The following EXOC6B variants were observed in gnomAD, a reference collection of about 807,000 sequenced individuals.
EXOC6B encodes the protein exocyst complex component 6B.
A neutral mutation model predicts 113.5 loss-of-function variants in EXOC6B; 54 were observed. The ratio of observed to expected loss-of-function variants is 0.48; its 90% confidence interval spans 0.38 to 0.60. EXOC6B has a LOEUF of 0.60. Among genes scored for constraint, EXOC6B ranks in the 20% least tolerant of loss-of-function variants. The pLI, the probability that EXOC6B is intolerant of heterozygous loss-of-function variation, is 0.00. For missense variants in EXOC6B, 797 were observed against 977.5 expected, an observed-to-expected ratio of 0.82 and a Z score of 2.46; for synonymous variants, 357 against 339.0, an observed-to-expected ratio of 1.05 and a Z score of -0.58.
At chr2:72,778,771 A>C (rs2104979761) in intron 1 of EXOC6B, among the ~76,000 whole-genome samples, 1 of 152,290 alleles carries the variant, frequency 6.6e-6, no homozygotes, top group African/African-American at 2.4e-5. Context: ...ACTATCATAC[A>C]CAAGTAAAGT....
rs1035968645 is a variant in EXOC6B at position 72,480,613 on chromosome 2, C to T, written c.1800+3G>A. Reference sequence around the variant, plus strand: ...GTTCCACAGTACTGTAGGGCCCTCTCACCTTAAAAGTTGTGGTGCCATAGA... The same window carrying T: ...GTTCCACAGTACTGTAGGGCCCTCTTACCTTAAAAGTTGTGGTGCCATAGA... On this transcript the variant is annotated splice_donor_region_variant and intron_variant, in intron 17 of 21. Coordinates refer to ENST00000272427, the MANE Select transcript of EXOC6B (RefSeq NM_015189.3). 1 of 1,577,328 alleles carries T rather than the reference C, an allele frequency of 6.3e-7. No individual in the cohort carries two copies. Among genetic ancestry groups the T allele is most frequent in the African/African-American group, 1.3e-5 (1 of 74,316 alleles).
chr2:72,570,502 G>A (rs988840787), intron 7 of EXOC6B, among the ~76,000 whole-genome samples: 2 of 152,104 alleles, frequency 1.3e-5, no homozygotes, highest in Non-Finnish European at 2.9e-5. Flanking sequence ...TACTTCAAAA[G>A]AGACACCAAA....
At chr2:72,579,751 C>T (rs1705083824) in intron 6 of EXOC6B, among the ~76,000 whole-genome samples, 1 of 152,258 alleles carries the variant, frequency 6.6e-6, no homozygotes, top group South Asian at 2.1e-4. Context: ...AGGCTCCTGA[C>T]TTTCTCAATC....
rs114661449 is a variant in EXOC6B, at chr2:72,801,872, G to C, written c.113+23926C>G. ...AAAACCATTTCATTTTATAGGCAAA[G>C]TGCAGGCACTGTTAGTGGAAGTCTC... On this transcript the variant is annotated intron_variant, in intron 1 of 21. Coordinates refer to ENST00000272427, the MANE Select transcript of EXOC6B (RefSeq NM_015189.3). Among the ~76,000 whole-genome samples the C allele has an allele frequency of 1.0e-3, 157 of 152,318 alleles. 1 individual carries two copies. Among genetic ancestry groups the C allele is most frequent in the Middle Eastern group, 6.8e-3 (2 of 294 alleles).
At chr2:72,656,970 GC>G (rs1674625058) in intron 6 of EXOC6B, among the ~76,000 whole-genome samples, 1 of 152,014 alleles carries the variant, frequency 6.6e-6, no homozygotes, top group Admixed American at 6.6e-5. Context: ...TCCTGCCTCA[GC>G]CTCCCAAGTA....
At chr2:72,349,276 C>T (rs1350363249) in intron 19 of EXOC6B, among the ~76,000 whole-genome samples, 7 of 152,152 alleles carry the variant, frequency 4.6e-5, no homozygotes, top group Admixed American at 6.5e-5. Flanking sequence ...TTCAAAAACT[C>T]GTGGAATTTC....
chr2:72,399,723 C>T (rs1455531246), intron 18 of EXOC6B, among the ~76,000 whole-genome samples: 1 of 152,084 alleles, frequency 6.6e-6, no homozygotes. Context: ...CCCAGAAATA[C>T]ATTTAACCCA....
chr2:72,487,187 T>C (rs1699474161), intron 16 of EXOC6B, among the ~76,000 whole-genome samples: 1 of 152,214 alleles, frequency 6.6e-6, no homozygotes, highest in South Asian at 2.1e-4. Flanking sequence ...TTGAACGCCA[T>C]ACTTTATTCA....
chr2:72,693,872 C>A (rs567183847), intron 6 of EXOC6B, among the ~76,000 whole-genome samples: 61 of 151,490 alleles, frequency 4.0e-4, no homozygotes, highest in African/African-American at 1.4e-3. Flanking sequence ...GCCACTCATC[C>A]TTACTCCTCT....
At chr2:72,568,037 A>G (rs1234395036) in intron 7 of EXOC6B, among the ~76,000 whole-genome samples, 3 of 152,040 alleles carry the variant, frequency 2.0e-5, no homozygotes, top group African/African-American at 7.2e-5. Flanking sequence ...CTAATTACAA[A>G]GTGGGACGGG....
At chr2:72,291,922 C>A (rs1347453849) in intron 20 of EXOC6B, among the ~76,000 whole-genome samples, 1 of 152,090 alleles carries the variant, frequency 6.6e-6, no homozygotes, top group Non-Finnish European at 1.5e-5. Flanking sequence ...AATCTATTGC[C>A]AGGATTGAAA....
chr2:72,610,891 G>A (rs1671034783), intron 6 of EXOC6B, among the ~76,000 whole-genome samples: 1 of 152,174 alleles, frequency 6.6e-6, no homozygotes, highest in Non-Finnish European at 1.5e-5. Flanking sequence ...TCCTTGTGAT[G>A]AAAGTTCACA....
At chr2:72,274,907 T>C (rs969573487) in intron 20 of EXOC6B, among the ~76,000 whole-genome samples, 23 of 152,112 alleles carry the variant, frequency 1.5e-4, no homozygotes, top group African/African-American at 4.6e-4. Flanking sequence ...AGTGTAACTT[T>C]ACCGTGGAAT....
intron 20 of EXOC6B, among the ~76,000 whole-genome samples, chr2:72,318,528 G>C (rs1370050655): frequency 1.3e-5 from 2 of 151,982 alleles, no homozygotes; most frequent in Non-Finnish European, 2.9e-5. Context: ...CGAGTAGCTG[G>C]GACTACAGGT....
At chr2:72,681,129 C>A (rs1469903490) in intron 6 of EXOC6B, among the ~76,000 whole-genome samples, 1 of 152,168 alleles carries the variant, frequency 6.6e-6, no homozygotes, top group Non-Finnish European at 1.5e-5. Context: ...TAAAGTCTAT[C>A]ATGATCTAGC....
At chr2:72,407,270 G>A (rs1241109333) in intron 18 of EXOC6B, among the ~76,000 whole-genome samples, 13 of 152,274 alleles carry the variant, frequency 8.5e-5, no homozygotes, top group South Asian at 2.1e-4. Context: ...ATTCACAGCT[G>A]AATTCTACCA....
At chr2:72,664,167 C>A (rs940277004) in intron 6 of EXOC6B, among the ~76,000 whole-genome samples, 1 of 151,830 alleles carries the variant, frequency 6.6e-6, no homozygotes. Flanking sequence ...TTAAATTAGC[C>A]AGGAGTAAGG....
intron 18 of EXOC6B, among the ~76,000 whole-genome samples, chr2:72,385,097 C>G (rs1691921271): frequency 6.6e-6 from 1 of 152,094 alleles, no homozygotes; most frequent in Non-Finnish European, 1.5e-5. Flanking sequence ...GTCACATAGT[C>G]TGATTTCAAA....
At chr2:72,566,927 T>A (rs1373465126) in intron 7 of EXOC6B, among the ~76,000 whole-genome samples, 2 of 152,038 alleles carry the variant, frequency 1.3e-5, no homozygotes, top group African/African-American at 2.4e-5. Flanking sequence ...AAAATATATA[T>A]GTATTATGCT....
Sources: gnomAD v4.1 joint callset for allele counts (sites outside exome capture counted in the v4.1 genomes callset) on GRCh38, gnomAD v4.1.1 for gene constraint, MANE v1.5 for transcripts, NCBI Gene and HGNC (gene_info 2026-07-23, HGNC 2026-07-21) for gene names.